The following NRXN1 variants were observed in gnomAD, a reference collection of about 807,000 sequenced individuals.
The protein encoded by NRXN1 is neurexin-1.
Under a neutral mutation model 150.9 loss-of-function variants are expected in NRXN1, and 39 were observed. The ratio of observed to expected loss-of-function variants is 0.26; its 90% CI spans 0.20 to 0.34. NRXN1 has a LOEUF of 0.34. NRXN1 is among the 10% of genes least tolerant of loss of function. NRXN1 has a pLI of 1.00. For synonymous variants in NRXN1, 924 were observed against 757.0 expected, an observed-to-expected ratio of 1.22 and a Z score of -3.62; for missense variants, 1,815 against 1,949.9, an observed-to-expected ratio of 0.93 and a Z score of 1.30.
chr2:50,410,038 C>G (rs1023966619), intron 17 of NRXN1, among the ~76,000 whole-genome samples: 2 of 152,054 alleles, frequency 1.3e-5, no homozygotes, highest in Non-Finnish European at 2.9e-5. Context: ...CCACATTGAC[C>G]TTTTTGTCCT....
At chr2:50,649,696 A>G (rs1192152973) in intron 5 of NRXN1, among the ~76,000 whole-genome samples, 1 of 151,976 alleles carries the variant, frequency 6.6e-6, no homozygotes, top group Non-Finnish European at 1.5e-5. Context: ...GATTAAGTGA[A>G]ATCGGAGTGA....
intron 17 of NRXN1, among the ~76,000 whole-genome samples, chr2:50,448,956 T>G (rs542814414): frequency 6.6e-6 from 1 of 152,200 alleles, no homozygotes; most frequent in Non-Finnish European, 1.5e-5. Flanking sequence ...GCTGGATATT[T>G]ATTTTTTCAT....
chr2:50,569,311 C>T (rs1670314656), intron 8 of NRXN1, among the ~76,000 whole-genome samples: 1 of 151,954 alleles, frequency 6.6e-6, no homozygotes, highest in African/African-American at 2.4e-5. Context: ...ATCTGTAACA[C>T]AGGAAAGGAT....
chr2:50,819,241 T>C (rs1669363680), intron 5 of NRXN1, among the ~76,000 whole-genome samples: 1 of 152,182 alleles, frequency 6.6e-6, no homozygotes, highest in Non-Finnish European at 1.5e-5. Flanking sequence ...CTGTGTTCGT[T>C]GCAGCATTAC....
At chr2:50,855,960 TC>T (rs1204851808) in intron 5 of NRXN1, among the ~76,000 whole-genome samples, 1 of 151,408 alleles carries the variant, frequency 6.6e-6, no homozygotes, top group Non-Finnish European at 1.5e-5. Flanking sequence ...TCCCTTAAAA[TC>T]CTATGTCTTT....
At chr2:50,044,016 G>C (rs2152598343) in intron 21 of NRXN1, among the ~76,000 whole-genome samples, 1 of 152,232 alleles carries the variant, frequency 6.6e-6, no homozygotes, top group Middle Eastern at 3.4e-3. Flanking sequence ...TAGCACAGTG[G>C]GGATGAGGAT....
chr2:50,929,099 T>A (rs1411844338), intron 2 of NRXN1, among the ~76,000 whole-genome samples: 1 of 152,096 alleles, frequency 6.6e-6, no homozygotes, highest in Non-Finnish European at 1.5e-5. Context: ...CAGCCTGTTT[T>A]AAAATCACTG....
At chr2:50,035,153 T>C (rs1004330518) in intron 21 of NRXN1, among the ~76,000 whole-genome samples, 2 of 152,134 alleles carry the variant, frequency 1.3e-5, no homozygotes, top group Non-Finnish European at 2.9e-5. Flanking sequence ...AGGCTAGATA[T>C]GGGGACATCT....
At chr2:50,415,444 C>T (rs751685806) in intron 17 of NRXN1, among the ~76,000 whole-genome samples, 10 of 152,100 alleles carry the variant, frequency 6.6e-5, no homozygotes, top group Non-Finnish European at 1.3e-4. Flanking sequence ...TGCGCTGTCT[C>T]ATCATGTGAT....
chr2:49,962,864 G>A (rs953539906), intron 21 of NRXN1, among the ~76,000 whole-genome samples: 2 of 151,926 alleles, frequency 1.3e-5, no homozygotes, highest in African/African-American at 4.8e-5. Context: ...CAGGCAGGAG[G>A]AGCCCTTGAG....
intron 5 of NRXN1, among the ~76,000 whole-genome samples, chr2:50,711,656 A>G (rs1695174912): frequency 6.6e-6 from 1 of 151,980 alleles, no homozygotes. Context: ...GACTTTGAGT[A>G]TCACTGACTG....
At chr2:50,193,334 G>A (rs2061561100) in intron 18 of NRXN1, among the ~76,000 whole-genome samples, 1 of 152,120 alleles carries the variant, frequency 6.6e-6, no homozygotes, top group Admixed American at 6.5e-5. Flanking sequence ...TATATTTAGA[G>A]CCTACGAGTG....
In NRXN1 at chr2:50,160,100, G is replaced by A. The variant is rs142411526; in HGVS notation, c.3547-68606C>T. 9.8e-4 allele frequency among the ~76,000 whole-genome samples: 149 copies of A among 152,112 alleles called. 2 individuals are homozygous for A. The highest frequency in any genetic ancestry group is 1.5e-3 in the South Asian group (7 of 4,822). On this transcript the variant is annotated intron_variant, in intron 18 of 22. Transcript: ENST00000401669. ...AACCTGTGATTTAGCTACAATTCGGGCCAAACCTTCATGGCTTTTTGACAT... is the reference window on the plus strand; with the variant it reads ...AACCTGTGATTTAGCTACAATTCGGACCAAACCTTCATGGCTTTTTGACAT...
chr2:50,390,096 T>A (rs2081587143), intron 17 of NRXN1, among the ~76,000 whole-genome samples: 1 of 152,184 alleles, frequency 6.6e-6, no homozygotes. Flanking sequence ...ACCATAAGTA[T>A]GCATTCTTTC....
At chr2:49,990,050 C>T (rs771800161) in intron 21 of NRXN1, among the ~76,000 whole-genome samples, 4 of 151,098 alleles carry the variant, frequency 2.6e-5, no homozygotes, top group Non-Finnish European at 5.9e-5. Context: ...AGTTCCCAGA[C>T]AACAGGGGCT....
chr2:50,582,061 C>A (rs541212670), intron 8 of NRXN1, among the ~76,000 whole-genome samples: 2 of 152,056 alleles, frequency 1.3e-5, no homozygotes, highest in African/African-American at 4.8e-5. Context: ...AACATACAAG[C>A]CCCCTGTTCG....
At chr2:50,252,072 C>A (rs1447329360) in intron 17 of NRXN1, among the ~76,000 whole-genome samples, 12 of 151,592 alleles carry the variant, frequency 7.9e-5, no homozygotes, top group Admixed American at 7.9e-4. Flanking sequence ...CTATTGTTGC[C>A]ATTTCTTTTT....
rs564731472 is a variant in NRXN1, at chr2:50,088,961, C to T, written c.3718+2362G>A. Among the ~76,000 whole-genome samples, 5 of 152,194 alleles carry T rather than the reference C, an allele frequency of 3.3e-5. No individual in the cohort carries two copies. In the East Asian group the frequency reaches 9.6e-4, roughly 29 times the overall value. The stretch of plus-strand genomic sequence containing the variant: ...AAAACATAAAATATTTACTAAAATG[C>T]AATGATGTTTGGCTAATATATCCTA... On this transcript the variant is annotated intron_variant, in intron 19 of 22. Coordinates refer to ENST00000401669, the MANE Select transcript of NRXN1 (RefSeq NM_001330078.2).
intron 8 of NRXN1, among the ~76,000 whole-genome samples, chr2:50,605,168 TA>T (rs1676889267): frequency 2.6e-5 from 4 of 152,244 alleles, no homozygotes; most frequent in Admixed American, 2.6e-4. Context: ...AACCATGTCT[TA>T]ATCCTGTTTC....
Sources: allele counts gnomAD v4.1 joint callset (sites outside exome capture counted in the v4.1 genomes callset), GRCh38; gene constraint gnomAD v4.1.1; transcripts MANE v1.5; gene names NCBI Gene and HGNC (gene_info 2026-07-23, HGNC 2026-07-21).